The following CRACD variants were observed in gnomAD, a reference collection of about 807,000 sequenced individuals.
The protein encoded by CRACD is capping protein-inhibiting regulator of actin dynamics.
Under a neutral mutation model 106.8 loss-of-function variants are expected in CRACD, and 56 were observed. The ratio of observed to expected loss-of-function variants is 0.52; its 90% confidence interval spans 0.42 to 0.66. The LOEUF is 0.66. Among genes scored for constraint, CRACD ranks in the 30% least tolerant of loss-of-function variants. The probability of loss-of-function intolerance (pLI) is 0.00; values close to 1 mark genes in which losing one functional copy is unlikely to be tolerated. For missense variants in CRACD, 1,730 were observed against 1,623.2 expected (o/e 1.07, Z -1.13); for synonymous variants, 754 against 670.8 (o/e 1.12, Z -1.92).
intron 7 of CRACD, 98 bp from the exon 8 acceptor site, chr4:56,313,942 T>G: frequency 1.6e-5 from 23 of 1,475,612 alleles, no homozygotes; most frequent in Non-Finnish European, 1.8e-5. Context: ...CAGGTGTTCT[T>G]GAGAAATTAA....
intron 1 of CRACD, among the ~76,000 whole-genome samples, 190 bp from the exon 2 acceptor site, chr4:56,179,094 C>G (rs1012103070): frequency 6.6e-6 from 1 of 152,220 alleles, no homozygotes; most frequent in Admixed American, 6.5e-5. Context: ...GCTTTTAAAG[C>G]TCTATAGTAA....
rs1245369100 is a variant in CRACD at position 56,314,674 on chromosome 4, A to G, written c.1172A>G (p.Glu391Gly). Residue 391 changes from glutamate to glycine, a missense_variant, in exon 8 of 11, where the codon GAG becomes GGG. Glu to Gly is a moderately conservative substitution (Grantham distance 98). This residue lies in a region of CRACD where 1,620 missense variants were observed against 1,481.6 expected (regional missense o/e 1.09). Transcript: ENST00000682029. This position sits in a 1 kb window ranked among gnomAD's most constrained non-coding sequence, Gnocchi z 4.4. ...CCCGAGGCGTTGGAGGAGACTGGGG[A>G]GGGCCGGCGGGGCGCGGAGGAGGAG... ...GPPEALEETG[E>G]GRRGAEEEDL... 1 of 1,549,848 alleles carries G rather than the reference A, an allele frequency of 6.5e-7. No homozygotes were observed.
At chr4:56,306,330 C>G (rs1245442402) in intron 4 of CRACD, among the ~76,000 whole-genome samples, 1 of 151,862 alleles carries the variant, frequency 6.6e-6, no homozygotes, top group Non-Finnish European at 1.5e-5. Flanking sequence ...CCCATCTCTA[C>G]AAAAAATACA....
At chr4:56,278,114 T>A (rs1742783154) in intron 3 of CRACD, among the ~76,000 whole-genome samples, 1 of 152,144 alleles carries the variant, frequency 6.6e-6, no homozygotes, top group Admixed American at 6.5e-5. Context: ...GTGGTCCCCA[T>A]CAAAATCCTA....
At chr4:56,260,951 T>C (rs534208) in intron 2 of CRACD, among the ~76,000 whole-genome samples, 41,435 of 151,958 alleles carry the variant, frequency 0.27, 5,818 homozygotes, top group African/African-American at 0.31. Context: ...CCCTCTCTAC[T>C]TCCTGCTGGT....
chr4:56,085,114 C>T (rs1733168971), intron 1 of CRACD, among the ~76,000 whole-genome samples: 1 of 152,114 alleles, frequency 6.6e-6, no homozygotes, highest in South Asian at 2.1e-4. Flanking sequence ...TACTTCCTGA[C>T]ATCTCTTCTC....
At chr4:56,052,576 A>C (rs1731912490) in intron 1 of CRACD, among the ~76,000 whole-genome samples, 1 of 152,242 alleles carries the variant, frequency 6.6e-6, no homozygotes, top group South Asian at 2.1e-4. Context: ...CATTTATTGA[A>C]TATTTCTCAT....
At chr4:56,280,206 A>G (rs1488515919) in intron 3 of CRACD, among the ~76,000 whole-genome samples, 2 of 151,714 alleles carry the variant, frequency 1.3e-5, no homozygotes, top group Non-Finnish European at 2.9e-5. Context: ...TGACGAGTTA[A>G]TGGGTGCAGC....
In CRACD at chr4:56,239,835, A is replaced by G. The variant is rs184152827; in HGVS notation, c.-188-32486A>G. ...GTGTTAACACCACCAGACTAACACAAAAAGCTTTATCTTATAATTACCTCA... is the reference window on the plus strand; with the variant it reads ...GTGTTAACACCACCAGACTAACACAGAAAGCTTTATCTTATAATTACCTCA... On this transcript the variant is annotated intron_variant, in intron 2 of 10. Transcript: ENST00000682029. 2.2e-3 allele frequency among the ~76,000 whole-genome samples: 338 copies of G among 152,270 alleles called. 2 individuals are homozygous for G. Among genetic ancestry groups the G allele is most frequent in the African/African-American group, 7.7e-3 (321 of 41,548 alleles).
At chr4:56,261,793 G>C (rs1741723415) in intron 2 of CRACD, among the ~76,000 whole-genome samples, 1 of 152,188 alleles carries the variant, frequency 6.6e-6, no homozygotes, top group Non-Finnish European at 1.5e-5. Flanking sequence ...GAGAGGATAA[G>C]AAACAGCCAA....
chr4:56,221,101 A>G (rs1464163574), intron 2 of CRACD, among the ~76,000 whole-genome samples: 1 of 152,094 alleles, frequency 6.6e-6, no homozygotes, highest in Non-Finnish European at 1.5e-5. Flanking sequence ...GATGTTGAAT[A>G]TTGTGCCAAG....
rs191791672 is a variant in CRACD, at chr4:56,217,657, G to A, written c.-189+38227G>A. ...GTTTCTTATCAGACTTAAAGAGTCC[G>A]TTCTGTCAGTATTAAAGTCTCTGTT... On this transcript the variant is annotated intron_variant, in intron 2 of 10. Coordinates refer to ENST00000682029, the MANE Select transcript of CRACD (RefSeq NM_001393381.1). Among the ~76,000 whole-genome samples the A allele has an allele frequency of 4.5e-4, 69 of 152,262 alleles. No individual in the cohort carries two copies. The South Asian group carries it at 0.013, about 28-fold the overall frequency.
intron 4 of CRACD, among the ~76,000 whole-genome samples, chr4:56,301,825 T>G (rs1259416517): frequency 6.6e-6 from 1 of 152,118 alleles, no homozygotes; most frequent in Non-Finnish European, 1.5e-5. Flanking sequence ...TGTGGCAGAT[T>G]TAAAAGAAAA....
chr4:56,096,623 C>A (rs1405826388), intron 1 of CRACD, among the ~76,000 whole-genome samples: 1 of 148,762 alleles, frequency 6.7e-6, no homozygotes, highest in African/African-American at 2.5e-5. Context: ...CAGAGTGAGA[C>A]CTTGTCTTAA....
At chr4:56,173,860 A>G (rs573751524) in intron 1 of CRACD, among the ~76,000 whole-genome samples, 1 of 152,222 alleles carries the variant, frequency 6.6e-6, no homozygotes, top group Non-Finnish European at 1.5e-5. Flanking sequence ...AAGGGCTTCA[A>G]TTTTTCTGCA....
chr4:56,308,264 T>C (rs1349468361), intron 5 of CRACD, among the ~76,000 whole-genome samples: 1 of 152,092 alleles, frequency 6.6e-6, no homozygotes, highest in African/African-American at 2.4e-5. Flanking sequence ...CAGGCCAACT[T>C]GAAGAGTACC....
intron 2 of CRACD, among the ~76,000 whole-genome samples, chr4:56,219,312 A>G (rs754156921): frequency 3.3e-5 from 5 of 152,146 alleles, no homozygotes; most frequent in Non-Finnish European, 7.4e-5. Context: ...ATGTGATAGA[A>G]ATAACAGTGA....
chr4:56,188,705 C>CAGAG (rs1347669625), intron 2 of CRACD, among the ~76,000 whole-genome samples: 306 of 136,134 alleles, frequency 2.2e-3, no homozygotes, highest in African/African-American at 8.6e-3. Flanking sequence ...CACACACACA[C>CAGAG]ACACACAGAG....
chr4:56,320,531 A>C (rs551714382), intron 8 of CRACD, among the ~76,000 whole-genome samples: 6 of 152,332 alleles, frequency 3.9e-5, no homozygotes, highest in African/African-American at 1.4e-4. Flanking sequence ...CATCATTTAC[A>C]AAGTTATTTG....
Sources: allele counts gnomAD v4.1 joint callset (sites outside exome capture counted in the v4.1 genomes callset), GRCh38; gene constraint gnomAD v4.1.1; regional missense constraint gnomAD v4.1.1; non-coding constraint Gnocchi (gnomAD v3.1); transcripts MANE v1.5; gene names NCBI Gene and HGNC (gene_info 2026-07-23, HGNC 2026-07-21).